The following GRIK2 variants were observed in gnomAD, a reference collection of about 807,000 sequenced individuals.
The protein encoded by GRIK2 is glutamate receptor ionotropic, kainate 2.
A neutral mutation model predicts 100.3 loss-of-function variants in GRIK2; 32 were observed. That is an observed-to-expected ratio of 0.32 (90% CI 0.24 to 0.43). The LOEUF (loss-of-function observed/expected upper bound fraction) is 0.43, where lower values mean the gene tolerates loss of function less well. Ranked by LOEUF, GRIK2 falls within the 20% of genes least tolerant of loss-of-function variation. The probability of loss-of-function intolerance (pLI) is 1.00; values close to 1 mark genes in which losing one functional copy is unlikely to be tolerated. For synonymous variants in GRIK2, 417 were observed against 389.4 expected (o/e 1.07, Z -0.83); for missense variants, 843 against 1,114.9 (o/e 0.76, Z 3.47).
At chr6:101,983,677 C>G (rs1278083823) in intron 14 of GRIK2, among the ~76,000 whole-genome samples, 1 of 151,680 alleles carries the variant, frequency 6.6e-6, no homozygotes, top group Non-Finnish European at 1.5e-5. Context: ...ACAAGGTATG[C>G]ACAAAACAGA....
chr6:101,789,587 C>T (rs1779689681), intron 7 of GRIK2, among the ~76,000 whole-genome samples: 1 of 152,116 alleles, frequency 6.6e-6, no homozygotes, highest in African/African-American at 2.4e-5. Context: ...GTACCAGTAC[C>T]ATGCTGTTTT....
intron 2 of GRIK2, among the ~76,000 whole-genome samples, chr6:101,514,917 G>A (rs72957133): frequency 5.1e-4 from 78 of 152,164 alleles, no homozygotes; most frequent in Non-Finnish European, 6.8e-4. Context: ...TTTTTCCAGA[G>A]GTTATTGGGG....
At chr6:101,477,361 A>G (rs1370325390) in intron 2 of GRIK2, among the ~76,000 whole-genome samples, 1 of 152,168 alleles carries the variant, frequency 6.6e-6, no homozygotes, top group Non-Finnish European at 1.5e-5. Context: ...TGACAGGTCA[A>G]TGTTTTATTT....
chr6:101,572,815 ATTAT>A (rs3056164), intron 2 of GRIK2, among the ~76,000 whole-genome samples: 31,909 of 109,334 alleles, frequency 0.29, 4,521 homozygotes, highest in East Asian at 0.46. Flanking sequence ...ATTGTTGTTT[ATTAT>A]TTATTTATTT....
At chr6:101,736,906 C>G (rs1318506292) in intron 7 of GRIK2, among the ~76,000 whole-genome samples, 2 of 152,038 alleles carry the variant, frequency 1.3e-5, no homozygotes, top group African/African-American at 4.8e-5. Flanking sequence ...TTAACAGCAC[C>G]CCAGTCACCT....
intron 14 of GRIK2, among the ~76,000 whole-genome samples, chr6:101,995,139 C>G (rs762679773): frequency 1.3e-5 from 2 of 151,846 alleles, no homozygotes; most frequent in Non-Finnish European, 2.9e-5. Flanking sequence ...ATGGTAGTTC[C>G]AAACTACTCA....
intron 7 of GRIK2, among the ~76,000 whole-genome samples, chr6:101,723,312 C>T (rs1352824848): frequency 1.3e-5 from 2 of 151,832 alleles, no homozygotes; most frequent in Non-Finnish European, 2.9e-5. Context: ...AACTAAAAGA[C>T]AGTGTTTATC....
chr6:101,813,754 A>C (rs932103366), intron 9 of GRIK2, among the ~76,000 whole-genome samples: 1 of 152,034 alleles, frequency 6.6e-6, no homozygotes, highest in Non-Finnish European at 1.5e-5. Context: ...ACCTGAGGTC[A>C]GGAGTTCAAG....
chr6:102,013,820 A>C (rs554679736), intron 14 of GRIK2, among the ~76,000 whole-genome samples: 1 of 152,188 alleles, frequency 6.6e-6, no homozygotes, highest in East Asian at 1.9e-4. Flanking sequence ...GTGCTGCTAG[A>C]TTCAATTTAC....
In GRIK2 at chr6:102,049,612, T is replaced by G. The variant is rs542562805; in HGVS notation, c.2312-5718T>G. 7.1e-4 allele frequency among the ~76,000 whole-genome samples: 108 copies of G among 152,310 alleles called. 1 individual carries two copies. The highest frequency in any genetic ancestry group is 2.6e-3 in the Admixed American group (40 of 15,290). Reference sequence around the variant, plus strand: ...ATGAGATATATTTGATATGTAGTATTAATCAAGATTATTTGTACAAGTAAT... The same window carrying G: ...ATGAGATATATTTGATATGTAGTATGAATCAAGATTATTTGTACAAGTAAT... On this transcript the variant is annotated intron_variant, in intron 15 of 16. Transcript: ENST00000369134.
In GRIK2 at chr6:102,031,129, C is replaced by CACACACA. The variant is rs1554194473; in HGVS notation, c.2086-4212_2086-4211insACACACA. Among the ~76,000 whole-genome samples the CACACACA allele has an allele frequency of 1.4e-3, 73 of 53,004 alleles. 1 individual carries two copies. Among genetic ancestry groups the CACACACA allele is most frequent in the Admixed American group, 3.2e-3 (16 of 4,988 alleles). 34.8% of individuals were successfully genotyped at this position (53,004 alleles called of 152,430 possible). A position where few individuals can be genotyped will look rare whatever the true frequency, so the allele number is the denominator to read the frequency against. The stretch of plus-strand genomic sequence containing the variant: ...CACACACACACACACACACACACAC[C>CACACACA]CCCTTTGAGTTTCTGGATGTCTTTC... On this transcript the variant is annotated intron_variant, in intron 14 of 16. Coordinates refer to ENST00000369134, the MANE Select transcript of GRIK2 (RefSeq NM_021956.5).
At chr6:101,916,232 T>A (rs1300824057) in intron 12 of GRIK2, among the ~76,000 whole-genome samples, 1 of 151,502 alleles carries the variant, frequency 6.6e-6, no homozygotes, top group Non-Finnish European at 1.5e-5. Flanking sequence ...ATAACATTTA[T>A]TCCATAATAT....
chr6:101,495,901 G>C (rs561094524), intron 2 of GRIK2, among the ~76,000 whole-genome samples: 2 of 151,978 alleles, frequency 1.3e-5, no homozygotes, highest in Non-Finnish European at 2.9e-5. Context: ...GCACATAAGA[G>C]GAGAAAGGAA....
At chr6:101,609,909 T>C (rs1779598933) in intron 2 of GRIK2, among the ~76,000 whole-genome samples, 1 of 151,738 alleles carries the variant, frequency 6.6e-6, no homozygotes, top group South Asian at 2.1e-4. Flanking sequence ...AGTAGGCTTC[T>C]TGAAGGAGAA....
intron 14 of GRIK2, among the ~76,000 whole-genome samples, chr6:102,018,660 C>T (rs1371671096): frequency 6.6e-6 from 1 of 152,098 alleles, no homozygotes; most frequent in African/African-American, 2.4e-5. Context: ...ATCCACCTAT[C>T]TGGCTCTCTA....
chr6:102,010,422 C>G (rs923714992), intron 14 of GRIK2, among the ~76,000 whole-genome samples: 1 of 150,842 alleles, frequency 6.6e-6, no homozygotes, highest in Non-Finnish European at 1.5e-5. Flanking sequence ...CTCACTCTGT[C>G]GCCCAGGCTG....
chr6:101,876,009 TTGTGTGTGTGTGTG>T (rs3054436), intron 11 of GRIK2, among the ~76,000 whole-genome samples: 5 of 148,824 alleles, frequency 3.4e-5, no homozygotes, highest in African/African-American at 1.2e-4. Context: ...GTTTATGTGT[TTGTGTGTGTGTGTG>T]TGTGTGTGTA....
chr6:101,913,891 C>T (rs1788922951), intron 12 of GRIK2, among the ~76,000 whole-genome samples: 2 of 151,206 alleles, frequency 1.3e-5, no homozygotes, highest in African/African-American at 4.8e-5. Context: ...CTTTCTAAAG[C>T]CTTGAATATT....
At chr6:101,881,823 A>G (rs1786267441) in intron 11 of GRIK2, among the ~76,000 whole-genome samples, 1 of 152,050 alleles carries the variant, frequency 6.6e-6, no homozygotes, top group Non-Finnish European at 1.5e-5. Flanking sequence ...ACTGCACCCT[A>G]CCCTGGGTGA....
Sources: gnomAD v4.1 joint callset for allele counts (sites outside exome capture counted in the v4.1 genomes callset) on GRCh38, gnomAD v4.1.1 for gene constraint, MANE v1.5 for transcripts, NCBI Gene and HGNC (gene_info 2026-07-23, HGNC 2026-07-21) for gene names.